GPHN: variants seen among roughly 807,000 people sequenced by gnomAD.
GPHN encodes the protein gephyrin.
Under a neutral mutation model 95.5 loss-of-function variants are expected in GPHN, and 17 were observed. The observed-to-expected ratio is 0.18, with a 90% CI of 0.12 to 0.27. The LOEUF (loss-of-function observed/expected upper bound fraction) is 0.27, where lower values mean the gene tolerates loss of function less well. GPHN is among the 10% of genes least tolerant of loss of function. The probability of loss-of-function intolerance (pLI) is 1.00; values close to 1 mark genes in which losing one functional copy is unlikely to be tolerated. For synonymous variants in GPHN, 320 were observed against 322.5 expected (o/e 0.99, Z 0.08); for missense variants, 660 against 978.1 (o/e 0.67, Z 4.34).
chr14:66,572,807 G>A (rs922136253), intron 1 of GPHN, among the ~76,000 whole-genome samples: 3 of 152,086 alleles, frequency 2.0e-5, no homozygotes, highest in Non-Finnish European at 4.4e-5. Context: ...AATAGAAGTC[G>A]TGAGAGTGGG....
chr14:67,679,328 T>A, the GPHN span, among the ~76,000 whole-genome samples: 2 of 152,184 alleles, frequency 1.3e-5, no homozygotes, highest in Admixed American at 6.5e-5. Context: ...TTCCAACATA[T>A]GAACCTTGAG....
the GPHN span, among the ~76,000 whole-genome samples, chr14:67,358,435 A>C: frequency 6.6e-6 from 1 of 152,218 alleles, no homozygotes; most frequent in Admixed American, 6.5e-5. Flanking sequence ...GATTCTCTCA[A>C]AGGACAGAAT....
At chr14:67,140,553 G>A (rs1366214623) in intron 17 of GPHN, among the ~76,000 whole-genome samples, 1 of 152,060 alleles carries the variant, frequency 6.6e-6, no homozygotes, top group Admixed American at 6.5e-5. Flanking sequence ...TCAACATATT[G>A]TAGTTATATA....
At chr14:67,104,367 C>G (rs2077917266) in intron 13 of GPHN, among the ~76,000 whole-genome samples, 1 of 152,106 alleles carries the variant, frequency 6.6e-6, no homozygotes, top group African/African-American at 2.4e-5. Context: ...ATAATGCTGA[C>G]CTCATAGATT....
intron 3 of GPHN, among the ~76,000 whole-genome samples, chr14:66,818,303 C>T (rs2061058454): frequency 6.6e-6 from 1 of 152,060 alleles, no homozygotes; most frequent in African/African-American, 2.4e-5. Context: ...TGTTGTTCCC[C>T]CATGTGTTCT....
the GPHN span, among the ~76,000 whole-genome samples, chr14:67,602,113 C>T: frequency 4.6e-5 from 7 of 152,090 alleles, no homozygotes; most frequent in South Asian, 8.3e-4. Flanking sequence ...ACCTGAGACT[C>T]GGTAATTTAT....
Position 66,643,752 on chromosome 14 carries a change from GT to G in GPHN, c.65-37341del, listed in dbSNP as rs778465330. Among the ~76,000 whole-genome samples, 459 of 138,992 alleles carry G rather than the reference GT, an allele frequency of 3.3e-3. 1 individual carries two copies. Among genetic ancestry groups the G allele is most frequent in the Middle Eastern group, 7.5e-3 (2 of 266 alleles). 91.2% of individuals were successfully genotyped at this position (138,992 alleles called of 152,430 possible). A position where few individuals can be genotyped will look rare whatever the true frequency, so the allele number is the denominator to read the frequency against. ...ATGACTGGGAGAAAGTATGAGGGGA[GT>G]TTTTTTTTTTTTTAATCAAAGATTT... is the stretch of plus-strand genomic sequence containing the variant. On this transcript the variant is annotated intron_variant, in intron 1 of 22. Coordinates refer to ENST00000478722, the MANE Select transcript of GPHN (RefSeq NM_020806.5).
the GPHN span, among the ~76,000 whole-genome samples, chr14:67,408,355 A>AAAATAAAATAAAAT: frequency 7.3e-6 from 1 of 136,498 alleles, no homozygotes; most frequent in African/African-American, 2.6e-5. Flanking sequence ...AAAATAAAAT[A>AAAATAAAATAAAAT]AAAAAAGAAA....
At chr14:67,662,882 A>T in the GPHN span, 1 of 1,201,948 alleles carries the variant, frequency 8.3e-7, no homozygotes, top group Non-Finnish European at 1.0e-6. Context: ...CAGCCTGGGC[A>T]ATAGAGCAAG....
chr14:66,802,606 A>AG (rs1199234528), intron 3 of GPHN, among the ~76,000 whole-genome samples: 2 of 152,172 alleles, frequency 1.3e-5, no homozygotes, highest in Admixed American at 1.3e-4. Context: ...ATCTCACCCA[A>AG]GCCCTTGATA....
chr14:67,554,546 G>A, the GPHN span, among the ~76,000 whole-genome samples: 1 of 152,216 alleles, frequency 6.6e-6, no homozygotes, highest in African/African-American at 2.4e-5. Context: ...CCCCAGCTAG[G>A]CTTGGCACAT....
chr14:67,131,698 A>C (rs1239926904), intron 17 of GPHN, among the ~76,000 whole-genome samples: 1 of 152,210 alleles, frequency 6.6e-6, no homozygotes, highest in African/African-American at 2.4e-5. Context: ...TAATTTAAAA[A>C]ATTGAGGAGC....
the GPHN span, among the ~76,000 whole-genome samples, chr14:67,519,336 G>A: frequency 2.0e-5 from 3 of 152,226 alleles, no homozygotes; most frequent in African/African-American, 4.8e-5. Context: ...AAACAAGCTC[G>A]AAAGGACTAG....
At chr14:67,192,798 A>G in the GPHN span, among the ~76,000 whole-genome samples, 2 of 147,790 alleles carry the variant, frequency 1.4e-5, no homozygotes, top group Admixed American at 6.8e-5. Context: ...ATGTGTGTGT[A>G]TATATAGATA....
chr14:67,067,844 C>T (rs537019924), intron 11 of GPHN, among the ~76,000 whole-genome samples: 8 of 152,310 alleles, frequency 5.3e-5, no homozygotes, highest in African/African-American at 1.4e-4. Context: ...CCCCGTTTTT[C>T]GAGGTACAAT....
At chr14:66,582,344 T>G (rs771909456) in intron 1 of GPHN, among the ~76,000 whole-genome samples, 14 of 152,028 alleles carry the variant, frequency 9.2e-5, no homozygotes, top group Non-Finnish European at 1.9e-4. Context: ...ATGAAAATAC[T>G]ACATAACAAA....
intron 2 of GPHN, among the ~76,000 whole-genome samples, chr14:66,762,788 G>C (rs932915328): frequency 1.3e-5 from 2 of 151,956 alleles, no homozygotes; most frequent in African/African-American, 4.8e-5. Context: ...AAGTATGGTG[G>C]CCACATTTAC....
chr14:66,767,954 T>C (rs1432243461), intron 2 of GPHN, among the ~76,000 whole-genome samples: 1 of 151,954 alleles, frequency 6.6e-6, no homozygotes, highest in Non-Finnish European at 1.5e-5. Flanking sequence ...AATAGTGTTT[T>C]ACGAATTGCC....
At position 66,959,441 on chromosome 14, in the gene GPHN, T is replaced by G. The variant is rs368456001; in HGVS notation, c.829-5750T>G. 3.1e-3 allele frequency among the ~76,000 whole-genome samples: 472 copies of G among 152,240 alleles called. 11 individuals carry two copies. The highest frequency in any genetic ancestry group is 0.011 in the African/African-American group (447 of 41,574). ...TGAAGACCTCCCTTTAGAATTTTTT[T>G]GTAGGGCAGATTTATGAGCAATGAA... On this transcript the variant is annotated intron_variant, in intron 8 of 22. Coordinates refer to ENST00000478722, the MANE Select transcript of GPHN (RefSeq NM_020806.5).
Sources: allele counts gnomAD v4.1 joint callset (sites outside exome capture counted in the v4.1 genomes callset), GRCh38; gene constraint gnomAD v4.1.1; transcripts MANE v1.5; gene names NCBI Gene and HGNC (gene_info 2026-07-23, HGNC 2026-07-21).